Variants in NBAS observed in about 807,000 individuals in gnomAD.
NBAS encodes the protein NAG/BC035112 fusion.
A neutral mutation model predicts 302.5 loss-of-function variants in NBAS; 219 were observed. The observed-to-expected ratio is 0.72, with a 90% confidence interval of 0.65 to 0.81. The LOEUF (loss-of-function observed/expected upper bound fraction) is 0.81. Among genes scored for constraint, NBAS ranks in the 30% least tolerant of loss-of-function variants. The probability of loss-of-function intolerance (pLI) is 0.00; values close to 1 mark genes in which losing one functional copy is unlikely to be tolerated. For missense variants in NBAS, 2,932 were observed against 2,841.6 expected, an observed-to-expected ratio of 1.03 and a Z score of -0.72; for synonymous variants, 1,118 against 1,021.6, an observed-to-expected ratio of 1.09 and a Z score of -1.80.
At chr2:15,381,125 A>C (rs1168173041) in intron 29 of NBAS, among the ~76,000 whole-genome samples, 1 of 152,150 alleles carries the variant, frequency 6.6e-6, no homozygotes, top group African/African-American at 2.4e-5. Context: ...TGGTCTACTC[A>C]AGTAAGCTGT....
intron 21 of NBAS, among the ~76,000 whole-genome samples, chr2:15,438,943 C>G (rs184051316): frequency 1.3e-5 from 2 of 152,070 alleles, no homozygotes; most frequent in Non-Finnish European, 2.9e-5. Context: ...AGCCAGAATA[C>G]GAAAAACTAG....
intron 23 of NBAS, among the ~76,000 whole-genome samples, chr2:15,419,269 A>G (rs1677091652): frequency 6.6e-6 from 1 of 152,212 alleles, no homozygotes; most frequent in African/African-American, 2.4e-5. Flanking sequence ...GAGAAATTTG[A>G]GTAAAGAGGA....
chr2:14,956,769 T>C, the NBAS span, among the ~76,000 whole-genome samples: 1 of 152,062 alleles, frequency 6.6e-6, no homozygotes. Flanking sequence ...CAAGATTCAA[T>C]TATCTCCACC....
At chr2:15,360,025 T>C (rs982183838) in intron 32 of NBAS, among the ~76,000 whole-genome samples, 4 of 152,134 alleles carry the variant, frequency 2.6e-5, no homozygotes, top group Non-Finnish European at 4.4e-5. Context: ...CTGAATACTA[T>C]GGGCAACTGG....
At chr2:14,854,127 T>A in the NBAS span, among the ~76,000 whole-genome samples, 2 of 151,352 alleles carry the variant, frequency 1.3e-5, no homozygotes, top group South Asian at 4.2e-4. Flanking sequence ...TTATTAAAAC[T>A]AATGATAATG....
the NBAS span, among the ~76,000 whole-genome samples, chr2:14,899,649 A>C: frequency 7.9e-5 from 12 of 152,198 alleles, no homozygotes; most frequent in Non-Finnish European, 1.6e-4. Flanking sequence ...TGTGATCATA[A>C]CCAATTTAAC....
chr2:15,283,316 T>G (rs1669903201), intron 42 of NBAS, among the ~76,000 whole-genome samples: 1 of 152,152 alleles, frequency 6.6e-6, no homozygotes, highest in Non-Finnish European at 1.5e-5. Flanking sequence ...ATAGTTTGAT[T>G]GCATGCCCAC....
At chr2:14,962,969 T>G in the NBAS span, among the ~76,000 whole-genome samples, 1 of 152,106 alleles carries the variant, frequency 6.6e-6, no homozygotes, top group African/African-American at 2.4e-5. Context: ...AAACTGTTTT[T>G]TAAAAAATAA....
intron 38 of NBAS, among the ~76,000 whole-genome samples, chr2:15,313,683 T>C (rs911012671): frequency 3.5e-4 from 53 of 152,246 alleles, no homozygotes; most frequent in African/African-American, 1.2e-3. Flanking sequence ...ATTCTCACTT[T>C]GAGCATCTCC....
At chr2:15,267,355 C>A (rs1669123458) in intron 44 of NBAS, among the ~76,000 whole-genome samples, 1 of 152,000 alleles carries the variant, frequency 6.6e-6, no homozygotes, top group Non-Finnish European at 1.5e-5. Context: ...AACAACTAGA[C>A]CAAAGCCAGA....
rs138496292 is a variant in NBAS, at chr2:15,382,172, T to G, written c.3360+1043A>C. Among the ~76,000 whole-genome samples, 429 of 152,308 alleles carry G rather than the reference T, an allele frequency of 2.8e-3. 1 individual carries two copies. Among genetic ancestry groups the G allele is most frequent in the Middle Eastern group, 6.8e-3 (2 of 294 alleles). On this transcript the variant is annotated intron_variant, in intron 29 of 51. Transcript: ENST00000281513. Reference sequence around the variant, plus strand: ...ACACAGAAAATGGAAATATATATACTGATACTCTGCCTCTGACTTGGCAAT... The same window carrying G: ...ACACAGAAAATGGAAATATATATACGGATACTCTGCCTCTGACTTGGCAAT...
downstream of NBAS, among the ~76,000 whole-genome samples, chr2:15,165,059 C>T (rs1440219586): frequency 6.6e-6 from 1 of 152,200 alleles, no homozygotes; most frequent in Non-Finnish European, 1.5e-5. Context: ...GGGTGTCATA[C>T]TAAATGACTT....
At chr2:15,494,394 G>A (rs946171739) in intron 11 of NBAS, among the ~76,000 whole-genome samples, 2 of 152,156 alleles carry the variant, frequency 1.3e-5, no homozygotes, top group African/African-American at 2.4e-5. Context: ...TAGAATGTAC[G>A]TAAAGTCATT....
the NBAS span, among the ~76,000 whole-genome samples, chr2:15,063,501 A>G: frequency 6.6e-6 from 1 of 152,110 alleles, no homozygotes; most frequent in Non-Finnish European, 1.5e-5. Context: ...TGATTTTTCA[A>G]TATATAACGT....
At chr2:15,441,330 G>A (rs1678390018) in intron 21 of NBAS, among the ~76,000 whole-genome samples, 1 of 152,200 alleles carries the variant, frequency 6.6e-6, no homozygotes, top group African/African-American at 2.4e-5. Context: ...CTACAAACCA[G>A]AAGAGAGTGG....
chr2:15,030,165 G>T, the NBAS span, among the ~76,000 whole-genome samples: 1 of 152,114 alleles, frequency 6.6e-6, no homozygotes, highest in Non-Finnish European at 1.5e-5. Flanking sequence ...TTCTGGGAAA[G>T]TGTGGAAGGT....
intron 1 of NBAS, among the ~76,000 whole-genome samples, chr2:15,559,669 G>C (rs1306713006): frequency 6.6e-6 from 1 of 152,178 alleles, no homozygotes; most frequent in African/African-American, 2.4e-5. Context: ...TAATTCAACA[G>C]CTGAAATCAA....
At chr2:15,101,420 TAA>T in the NBAS span, among the ~76,000 whole-genome samples, 18 of 152,204 alleles carry the variant, frequency 1.2e-4, no homozygotes, top group African/African-American at 3.6e-4. Flanking sequence ...ACTACATATA[TAA>T]GTTATGTATA....
At chr2:14,953,406 A>T in the NBAS span, among the ~76,000 whole-genome samples, 1 of 152,240 alleles carries the variant, frequency 6.6e-6, no homozygotes. Context: ...TAAAAGAGAT[A>T]AAAATAACCT....
Sources: gnomAD v4.1 joint callset for allele counts (sites outside exome capture counted in the v4.1 genomes callset) on GRCh38, gnomAD v4.1.1 for gene constraint, MANE v1.5 for transcripts, NCBI Gene and HGNC (gene_info 2026-07-23, HGNC 2026-07-21) for gene names.